The following EXT1 variants were observed in gnomAD, a reference collection of about 807,000 sequenced individuals.
EXT1 encodes exostosin-1.
Under a neutral mutation model 82.5 loss-of-function variants are expected in EXT1, and 20 were observed. The ratio of observed to expected loss-of-function variants is 0.24; its 90% CI spans 0.17 to 0.35. EXT1 has a LOEUF of 0.35. Among genes scored for constraint, EXT1 ranks in the 10% least tolerant of loss-of-function variants. The probability of loss-of-function intolerance (pLI) is 1.00; values close to 1 mark genes in which losing one functional copy is unlikely to be tolerated. For missense variants in EXT1, 757 were observed against 936.5 expected, an observed-to-expected ratio of 0.81 and a Z score of 2.50; for synonymous variants, 348 against 350.8, an observed-to-expected ratio of 0.99 and a Z score of 0.09.
intron 1 of EXT1, among the ~76,000 whole-genome samples, chr8:117,888,822 A>C (rs1813194252): frequency 6.6e-6 from 1 of 152,180 alleles, no homozygotes; most frequent in Admixed American, 6.5e-5. Context: ...GTTGTCATTT[A>C]GCACTTACCT....
chr8:117,914,766 T>G (rs573264135), intron 1 of EXT1, among the ~76,000 whole-genome samples: 5 of 152,216 alleles, frequency 3.3e-5, no homozygotes, highest in African/African-American at 1.2e-4. Flanking sequence ...TTCTCTACTC[T>G]CGAACCCTGT....
intron 1 of EXT1, among the ~76,000 whole-genome samples, chr8:117,901,866 T>C (rs1356101930): frequency 6.6e-6 from 1 of 151,998 alleles, no homozygotes; most frequent in East Asian, 1.9e-4. Context: ...CTGGCTAATT[T>C]TTTGCATTTT....
At chr8:117,821,891 C>T (rs1244008690) in intron 5 of EXT1, among the ~76,000 whole-genome samples, 1 of 152,166 alleles carries the variant, frequency 6.6e-6, no homozygotes, top group African/African-American at 2.4e-5. Flanking sequence ...TTCCCTTTTC[C>T]CTACTGTGAT....
At chr8:118,083,696 G>C (rs1817370707) in intron 1 of EXT1, among the ~76,000 whole-genome samples, 1 of 152,094 alleles carries the variant, frequency 6.6e-6, no homozygotes, top group Non-Finnish European at 1.5e-5. Context: ...CAAGAATCAA[G>C]CACTATTGAC....
chr8:118,060,652 T>C (rs545064827), intron 1 of EXT1, among the ~76,000 whole-genome samples: 3 of 152,178 alleles, frequency 2.0e-5, no homozygotes, highest in African/African-American at 4.8e-5. Flanking sequence ...TGGGGTTGCT[T>C]TTAATGCCCC....
chr8:117,946,764 A>G (rs907165048), intron 1 of EXT1, among the ~76,000 whole-genome samples: 2 of 152,174 alleles, frequency 1.3e-5, no homozygotes, highest in African/African-American at 4.8e-5. Flanking sequence ...GAACTTCACC[A>G]TCAGTGCTTA....
intron 1 of EXT1, among the ~76,000 whole-genome samples, chr8:117,922,535 G>A (rs1813875456): frequency 6.6e-6 from 1 of 152,148 alleles, no homozygotes; most frequent in Non-Finnish European, 1.5e-5. Flanking sequence ...GTCAGTAACC[G>A]ATCCACCTTT....
chr8:117,919,905 G>C (rs935130386), intron 1 of EXT1, among the ~76,000 whole-genome samples: 1 of 152,116 alleles, frequency 6.6e-6, no homozygotes, highest in African/African-American at 2.4e-5. Context: ...ATTACAAACA[G>C]TGAATGTAGA....
At chr8:118,087,216 C>A (rs900128300) in intron 1 of EXT1, among the ~76,000 whole-genome samples, 2 of 152,190 alleles carry the variant, frequency 1.3e-5, no homozygotes, top group Non-Finnish European at 2.9e-5. Context: ...GTACTTCCCA[C>A]ACTCTGAATT....
intron 1 of EXT1, among the ~76,000 whole-genome samples, chr8:118,104,271 C>G (rs948811544): frequency 1.3e-5 from 2 of 152,204 alleles, no homozygotes; most frequent in African/African-American, 4.8e-5. Context: ...GGAGCCTGGT[C>G]AAGGTGGAAG....
intron 1 of EXT1, among the ~76,000 whole-genome samples, chr8:118,038,447 T>C (rs968654217): frequency 3.9e-5 from 6 of 152,220 alleles, no homozygotes; most frequent in Admixed American, 3.3e-4. Context: ...CATCTGACTC[T>C]GGTTAAGCAT....
At chr8:118,096,551 A>T (rs1817613653) in intron 1 of EXT1, among the ~76,000 whole-genome samples, 1 of 151,492 alleles carries the variant, frequency 6.6e-6, no homozygotes, top group Non-Finnish European at 1.5e-5. Flanking sequence ...CAGTGAGCCG[A>T]GATCACGCCA....
chr8:118,002,825 C>A (rs923272822), intron 1 of EXT1, among the ~76,000 whole-genome samples: 5 of 152,200 alleles, frequency 3.3e-5, no homozygotes, highest in African/African-American at 9.6e-5. Context: ...AGCCACTGCA[C>A]CCGGCCTGGA....
chr8:118,006,038 G>A (rs1178717175), intron 1 of EXT1, among the ~76,000 whole-genome samples: 1 of 152,172 alleles, frequency 6.6e-6, no homozygotes, highest in African/African-American at 2.4e-5. Flanking sequence ...ATGAACTTGA[G>A]GTGTGGCCTT....
chr8:117,801,249 T>C (rs1198485964), intron 10 of EXT1, among the ~76,000 whole-genome samples: 1 of 152,240 alleles, frequency 6.6e-6, no homozygotes. Context: ...CACCACAATC[T>C]GGTGAAGTAT....
At chr8:117,956,784 A>T (rs1814595629) in intron 1 of EXT1, among the ~76,000 whole-genome samples, 1 of 152,148 alleles carries the variant, frequency 6.6e-6, no homozygotes, top group Non-Finnish European at 1.5e-5. Flanking sequence ...ATTCCAAGGA[A>T]ATCCAAGCTA....
At chr8:118,024,172 C>G (rs1816162957) in intron 1 of EXT1, among the ~76,000 whole-genome samples, 3 of 152,148 alleles carry the variant, frequency 2.0e-5, no homozygotes, top group Admixed American at 2.0e-4. Context: ...CAAAAGAGAT[C>G]AAGGAAGGTG....
intron 1 of EXT1, among the ~76,000 whole-genome samples, chr8:118,037,989 C>T (rs897770501): frequency 2.6e-5 from 4 of 152,036 alleles, no homozygotes; most frequent in Non-Finnish European, 4.4e-5. Context: ...TACAGGCATG[C>T]GCCACCATGC....
chr8:117,869,020 A>G (rs1812823451), intron 1 of EXT1, among the ~76,000 whole-genome samples: 2 of 151,792 alleles, frequency 1.3e-5, no homozygotes. Flanking sequence ...CCTGCCAAAA[A>G]TCTCACTTTT....
Sources: allele counts gnomAD v4.1 joint callset (sites outside exome capture counted in the v4.1 genomes callset), GRCh38; gene constraint gnomAD v4.1.1; transcripts MANE v1.5; gene names NCBI Gene and HGNC (gene_info 2026-07-23, HGNC 2026-07-21).